The following TBX1 variants were observed in gnomAD, a reference collection of about 807,000 sequenced individuals.
The protein encoded by TBX1 is T-box transcription factor TBX1.
TBX1 carries 16 observed loss-of-function variants against 40.8 expected under a neutral mutation model. The observed-to-expected ratio is 0.39, with a 90% CI of 0.27 to 0.60. The LOEUF (loss-of-function observed/expected upper bound fraction) is 0.60. Among genes scored for constraint, TBX1 ranks in the 20% least tolerant of loss-of-function variants. The pLI is 0.51. For synonymous variants in TBX1, 403 were observed against 336.8 expected (o/e 1.20, Z -2.15); for missense variants, 755 against 728.5 (o/e 1.04, Z -0.42).
At chr22:19,765,860 C>A in intron 5 of TBX1, 35 bp downstream of exon 5, 1 of 1,574,120 alleles carries the variant, frequency 6.4e-7, no homozygotes, top group Non-Finnish European at 8.6e-7. Flanking sequence ...GAGCGCCGGG[C>A]GCCTGGCGCA....
At chr22:19,776,633 A>C (rs1055482512) in intron 8 of TBX1, among the ~76,000 whole-genome samples, 2 of 152,174 alleles carry the variant, frequency 1.3e-5, no homozygotes, top group Non-Finnish European at 2.9e-5. Flanking sequence ...CCTGAAAAGC[A>C]GAACCGCATG....
downstream of TBX1, among the ~76,000 whole-genome samples, chr22:19,768,266 G>C (rs957667441): frequency 1.3e-5 from 2 of 152,208 alleles, no homozygotes; most frequent in African/African-American, 2.4e-5. Context: ...ACGTGGTAGC[G>C]GCAGCCTGAG....
chr22:19,768,950 A>ATTTTTTTTTTTT (rs1601297935), downstream of TBX1, among the ~76,000 whole-genome samples: 1 of 70,720 alleles, frequency 1.4e-5, no homozygotes, highest in African/African-American at 5.2e-5. Context: ...GGCTGTTCGC[A>ATTTTTTTTTTTT]TTCTTTTTTT....
chr22:19,765,958 G>A lies in TBX1; in HGVS notation c.992G>A (p.Arg331Gln), dbSNP rs753660073. The change falls in exon 6 of 7, where the codon CGG becomes CAG. Residue 331 changes from arginine to glutamine, a missense_variant. This residue lies in a region of TBX1 where 412 missense variants were observed against 317.6 expected (regional missense o/e 1.30). Transcript: ENST00000649276. ...LPLMSAFARS[R>Q]NPVASPTQPS... ...CTCATGAGCGCCTTCGCGCGCTCGC[G>A]GAACCCCGTGGCTTCCCCGACGCAG... is the stretch of plus-strand genomic sequence containing the variant. The A allele has an allele frequency of 6.6e-7, 1 of 1,520,038 alleles. No individual in the cohort carries two copies. Among genetic ancestry groups the A allele is most frequent in the Non-Finnish European group, 8.8e-7 (1 of 1,138,074 alleles). The allele number at this position is 1,520,038 out of a possible 1,614,324, so 94.2% of individuals were successfully genotyped here.
intron 8 of TBX1, among the ~76,000 whole-genome samples, chr22:19,772,856 C>T (rs1285106733): frequency 5.9e-5 from 9 of 152,180 alleles, no homozygotes; most frequent in Non-Finnish European, 8.8e-5. Context: ...GGACCTTCAC[C>T]GCGGGGCTGG....
At chr22:19,767,455 G>C (rs1936903295), downstream of TBX1, 1 of 912,640 alleles carries the variant, frequency 1.1e-6, no homozygotes, top group Non-Finnish European at 1.3e-6. Flanking sequence ...GCCGACTGTA[G>C]GTCGGTCCCG....
intron 8 of TBX1, among the ~76,000 whole-genome samples, chr22:19,777,526 T>G (rs1422608970): frequency 6.6e-6 from 1 of 152,210 alleles, no homozygotes; most frequent in African/African-American, 2.4e-5. Flanking sequence ...AACATACGTG[T>G]GCATGTGTCT....
upstream of TBX1, among the ~76,000 whole-genome samples, chr22:19,760,140 GAA>G (rs995501523): frequency 1.1e-4 from 16 of 149,366 alleles, no homozygotes; most frequent in African/African-American, 3.4e-4. Context: ...GAGCGAAAGA[GAA>G]GAGAGAAAAC....
chr22:19,776,019 GC>G (rs1937059537), intron 8 of TBX1, among the ~76,000 whole-genome samples: 1 of 152,184 alleles, frequency 6.6e-6, no homozygotes, highest in Non-Finnish European at 1.5e-5. Flanking sequence ...AAGTGCTCGG[GC>G]CCCAGGCAAG....
intron 3 of TBX1, 55 bp downstream of exon 3, chr22:19,764,381 C>A: frequency 6.6e-7 from 1 of 1,523,454 alleles, no homozygotes; most frequent in Non-Finnish European, 8.8e-7. Context: ...AGTCCCGAGG[C>A]ACCCGCCTGT....
At chr22:19,775,170 T>C (rs1001887535) in intron 8 of TBX1, among the ~76,000 whole-genome samples, 3 of 152,166 alleles carry the variant, frequency 2.0e-5, no homozygotes, top group African/African-American at 7.2e-5. Context: ...CTTGGCTCAC[T>C]GCAACCTTTA....
chr22:19,779,528 G>T lies in TBX1; in HGVS notation c.*121G>T, dbSNP rs5746826. On this transcript the variant is annotated 3_prime_UTR_variant, in exon 9 of 9. Transcript: ENST00000329705. ...TTCAGTAAATTCCAATATGAATAAA[G>T]TGCATGTTTTGTAATAAATACTTCT... 0.47 allele frequency: 717,914 copies of T among 1,532,480 alleles called. 173,609 individuals are homozygous for T. Among genetic ancestry groups the T allele is most frequent in the African/African-American group, 0.68 (49,320 of 72,584 alleles). The allele number at this position is 1,532,480 out of a possible 1,614,324, so 94.9% of individuals were successfully genotyped here. A position where few individuals can be genotyped will look rare whatever the true frequency, so the allele number is the denominator to read the frequency against.
At chr22:19,756,827 C>G (rs758818169), upstream of TBX1, 1 of 152,606 alleles carries the variant, frequency 6.6e-6, no homozygotes, top group Non-Finnish European at 1.5e-5. Context: ...CGGGCTAGGG[C>G]CATCCGACGG....
At chr22:19,781,396 T>C (rs1937141411), downstream of TBX1, among the ~76,000 whole-genome samples, 1 of 152,126 alleles carries the variant, frequency 6.6e-6, no homozygotes. Flanking sequence ...GAATCGGCTT[T>C]TTTGTTGTTG....
downstream of TBX1, among the ~76,000 whole-genome samples, chr22:19,772,188 C>T (rs369921863): frequency 2.6e-5 from 4 of 151,852 alleles, no homozygotes; most frequent in Non-Finnish European, 4.4e-5. Flanking sequence ...CTGCAACTTC[C>T]GCCTCCTGGG....
At chr22:19,759,438 C>A, upstream of TBX1, 2 of 1,372,300 alleles carry the variant, frequency 1.5e-6, no homozygotes, top group Non-Finnish European at 1.9e-6. Flanking sequence ...GGGCTGGGCG[C>A]GGTGCGGCTG....
chr22:19,768,808 G>A (rs1312177990), downstream of TBX1, among the ~76,000 whole-genome samples: 1 of 152,124 alleles, frequency 6.6e-6, no homozygotes, highest in African/African-American at 2.4e-5. Flanking sequence ...TGTAAATGAG[G>A]GTGGGACACA....
At chr22:19,759,488 G>C, upstream of TBX1, 1 of 1,454,282 alleles carries the variant, frequency 6.9e-7, no homozygotes. Context: ...AGGCCGCCGG[G>C]CGCCTATGGA....
chr22:19,757,271 G>A (rs538285322), upstream of TBX1, among the ~76,000 whole-genome samples: 4 of 152,284 alleles, frequency 2.6e-5, no homozygotes, highest in Admixed American at 2.0e-4. Flanking sequence ...CAAGCTGGCC[G>A]CCCCTGCCTG....
Sources: allele counts gnomAD v4.1 joint callset (sites outside exome capture counted in the v4.1 genomes callset), GRCh38; gene constraint gnomAD v4.1.1; regional missense constraint gnomAD v4.1.1; transcripts MANE v1.5; gene names NCBI Gene and HGNC (gene_info 2026-07-23, HGNC 2026-07-21).